CDH8: variants seen among roughly 807,000 people sequenced by gnomAD.
CDH8 encodes cadherin-8.
Under a neutral mutation model 68.1 loss-of-function variants are expected in CDH8, and 17 were observed. The observed-to-expected ratio is 0.25, with a 90% CI of 0.17 to 0.37. CDH8 has a LOEUF of 0.37. CDH8 is among the 10% of genes least tolerant of loss of function. The pLI, the probability that CDH8 is intolerant of heterozygous loss-of-function variation, is 1.00. For missense variants in CDH8, 763 were observed against 999.3 expected (o/e 0.76, Z 3.19); for synonymous variants, 372 against 365.1 (o/e 1.02, Z -0.21).
chr16:61,753,803 C>T (rs908492111), intron 8 of CDH8, among the ~76,000 whole-genome samples: 6 of 151,604 alleles, frequency 4.0e-5, no homozygotes, highest in Admixed American at 2.0e-4. Flanking sequence ...ATGTCAGAAA[C>T]AAAAAGTATC....
At chr16:61,696,966 T>C (rs1964337769) in intron 10 of CDH8, among the ~76,000 whole-genome samples, 1 of 151,916 alleles carries the variant, frequency 6.6e-6, no homozygotes, top group Non-Finnish European at 1.5e-5. Context: ...GCAGCAAGGG[T>C]TGAAAAACTA....
At chr16:61,694,579 C>T (rs1338295321) in intron 10 of CDH8, among the ~76,000 whole-genome samples, 2 of 151,692 alleles carry the variant, frequency 1.3e-5, no homozygotes, top group Non-Finnish European at 2.9e-5. Flanking sequence ...GAGGTTTGGT[C>T]ATATGGGGTG....
intron 10 of CDH8, among the ~76,000 whole-genome samples, chr16:61,665,509 G>C (rs948606090): frequency 6.6e-6 from 1 of 151,998 alleles, no homozygotes; most frequent in East Asian, 1.9e-4. Context: ...GTCAGGGGGT[G>C]GGGGGCAAGG....
intron 2 of CDH8, among the ~76,000 whole-genome samples, chr16:62,010,465 C>T (rs1409502179): frequency 1.3e-5 from 2 of 152,142 alleles, no homozygotes; most frequent in African/African-American, 2.4e-5. Flanking sequence ...GTCTCCCCTG[C>T]ACCTTCTAGT....
chr16:61,738,492 C>A (rs1186261939), intron 8 of CDH8, among the ~76,000 whole-genome samples: 1 of 152,078 alleles, frequency 6.6e-6, no homozygotes, highest in Non-Finnish European at 1.5e-5. Flanking sequence ...AAATTTTAAT[C>A]CGATGGGGAA....
chr16:61,809,242 G>A (rs1378466846), intron 7 of CDH8, among the ~76,000 whole-genome samples: 1 of 152,080 alleles, frequency 6.6e-6, no homozygotes, highest in Non-Finnish European at 1.5e-5. Context: ...GCCGTATTTG[G>A]CCCACAGGCT....
At chr16:61,847,231 G>C (rs907510064) in intron 4 of CDH8, among the ~76,000 whole-genome samples, 1 of 151,938 alleles carries the variant, frequency 6.6e-6, no homozygotes, top group African/African-American at 2.4e-5. Context: ...TCTAAGCCCT[G>C]CAATGCATAG....
intron 7 of CDH8, among the ~76,000 whole-genome samples, chr16:61,794,941 C>G (rs1285920789): frequency 6.6e-6 from 1 of 151,898 alleles, no homozygotes; most frequent in East Asian, 1.9e-4. Context: ...CTGTCCTAAT[C>G]ACCCTCCTCC....
intron 8 of CDH8, among the ~76,000 whole-genome samples, chr16:61,765,903 A>T (rs1270804635): frequency 6.6e-6 from 1 of 152,022 alleles, no homozygotes; most frequent in Non-Finnish European, 1.5e-5. Context: ...AAGATCTGTG[A>T]ACACTTTAAT....
Position 61,651,519 on chromosome 16 carries a change from C to T in CDH8, c.*2089G>A, listed in dbSNP as rs1963323336. ...AAGTTGGTGCGTTCAGCTTTTGAGT[C>T]AAAAACCGTTCTCTTCTTAGCAGCC... On this transcript the variant is annotated 3_prime_UTR_variant, in exon 12 of 12. Coordinates refer to ENST00000577390, the MANE Select transcript of CDH8 (RefSeq NM_001796.5). 2 of 152,116 alleles carry T rather than the reference C, an allele frequency of 1.3e-5. No homozygotes were observed. Among genetic ancestry groups the T allele is most frequent in the African/African-American group, 4.8e-5 (2 of 41,416 alleles). The allele number at this position is 152,116 out of a possible 1,614,324, so 9.4% of individuals were successfully genotyped here. A position where few individuals can be genotyped will look rare whatever the true frequency, so the allele number is the denominator to read the frequency against.
At chr16:62,027,365 G>A (rs899294547) in intron 1 of CDH8, among the ~76,000 whole-genome samples, 1 of 152,242 alleles carries the variant, frequency 6.6e-6, no homozygotes, top group Non-Finnish European at 1.5e-5. Flanking sequence ...TACACCATCC[G>A]TTTTGTAAAT....
intron 8 of CDH8, among the ~76,000 whole-genome samples, chr16:61,763,723 T>C (rs761782967): frequency 1.1e-4 from 16 of 152,086 alleles, no homozygotes; most frequent in Admixed American, 9.9e-4. Flanking sequence ...ATAGAGTAGA[T>C]AGATTTCAAG....
chr16:61,844,076 C>T (rs1167164482), intron 4 of CDH8, among the ~76,000 whole-genome samples: 2 of 152,020 alleles, frequency 1.3e-5, no homozygotes, highest in Admixed American at 6.5e-5. Context: ...CACATATACA[C>T]CATGGAATAC....
At chr16:61,981,677 T>C (rs553943537) in intron 2 of CDH8, among the ~76,000 whole-genome samples, 2,423 of 149,604 alleles carry the variant, frequency 0.016, 67 homozygotes, top group African/African-American at 0.058. Flanking sequence ...TGTGTGTGTG[T>C]GTGTGCGCGC....
intron 9 of CDH8, chr16:61,714,326 T>G (rs1964682743): frequency 4.6e-6 from 1 of 217,072 alleles, no homozygotes; most frequent in Non-Finnish European, 9.1e-6. Flanking sequence ...TGTAGTGTGG[T>G]TCTTGGGAGG....
At chr16:61,982,515 G>A (rs1472215315) in intron 2 of CDH8, among the ~76,000 whole-genome samples, 2 of 152,132 alleles carry the variant, frequency 1.3e-5, no homozygotes, top group African/African-American at 4.8e-5. Flanking sequence ...CACCGCGCCC[G>A]GCTAGGCAAG....
intron 2 of CDH8, among the ~76,000 whole-genome samples, chr16:61,973,353 T>G (rs1965377777): frequency 6.6e-6 from 1 of 152,248 alleles, no homozygotes; most frequent in East Asian, 1.9e-4. Context: ...GAATGCAGTA[T>G]GTAATACCTA....
chr16:61,948,871 C>T (rs918708361), intron 2 of CDH8, among the ~76,000 whole-genome samples: 1 of 152,162 alleles, frequency 6.6e-6, no homozygotes, highest in African/African-American at 2.4e-5. Context: ...CAGTGGGTCA[C>T]ACAAGTATAC....
intron 9 of CDH8, among the ~76,000 whole-genome samples, chr16:61,716,217 T>A (rs1013476314): frequency 6.6e-6 from 1 of 151,674 alleles, no homozygotes; most frequent in Non-Finnish European, 1.5e-5. Context: ...CCATTCATAC[T>A]ATTTTCAAGT....
Sources: allele counts gnomAD v4.1 joint callset (sites outside exome capture counted in the v4.1 genomes callset), GRCh38; gene constraint gnomAD v4.1.1; transcripts MANE v1.5; gene names NCBI Gene and HGNC (gene_info 2026-07-23, HGNC 2026-07-21).